The following BTF3L4 variants were observed in gnomAD, a reference collection of about 807,000 sequenced individuals.
BTF3L4 encodes transcription factor BTF3 homolog 4.
BTF3L4 carries 6 observed loss-of-function variants against 16.8 expected under a neutral mutation model. The observed-to-expected ratio is 0.36, with a 90% CI of 0.20 to 0.71. BTF3L4 has a LOEUF of 0.71. Among genes scored for constraint, BTF3L4 ranks in the 30% least tolerant of loss-of-function variants. BTF3L4 has a pLI of 0.58. For synonymous variants in BTF3L4, 39 were observed against 59.8 expected, an observed-to-expected ratio of 0.65 and a Z score of 1.60; for missense variants, 92 against 186.9, an observed-to-expected ratio of 0.49 and a Z score of 2.96.
intron 3 of BTF3L4, among the ~76,000 whole-genome samples, chr1:52,071,662 G>A (rs1025529620): frequency 6.6e-6 from 1 of 152,168 alleles, no homozygotes; most frequent in African/African-American, 2.4e-5. Flanking sequence ...TTTGTAATTG[G>A]ACACATAAGT....
At chr1:52,067,571 C>A (rs1359761710) in intron 3 of BTF3L4, among the ~76,000 whole-genome samples, 1 of 152,032 alleles carries the variant, frequency 6.6e-6, no homozygotes, top group Admixed American at 6.6e-5. Context: ...ATTTTAGAGA[C>A]CGTTCTCTTA....
intron 3 of BTF3L4, 93 bp downstream of exon 3, chr1:52,065,031 C>A (rs1686609700): frequency 4.9e-6 from 3 of 614,826 alleles, no homozygotes; most frequent in Non-Finnish European, 8.1e-6. Flanking sequence ...TTAGAAAAAT[C>A]TTTGATATTG....
At chr1:52,065,618 CTTT>C (rs1438134821) in intron 3 of BTF3L4, among the ~76,000 whole-genome samples, 1 of 152,110 alleles carries the variant, frequency 6.6e-6, no homozygotes, top group East Asian at 1.9e-4. Flanking sequence ...TAGAGGTAGA[CTTT>C]TTTACCCTAA....
intron 3 of BTF3L4, among the ~76,000 whole-genome samples, chr1:52,079,640 A>G (rs957175507): frequency 6.6e-6 from 1 of 152,124 alleles, no homozygotes. Context: ...GGTGTAAAAT[A>G]TAACAACATT....
chr1:52,080,919 A>C (rs142748424), intron 3 of BTF3L4, among the ~76,000 whole-genome samples: 8,848 of 147,680 alleles, frequency 0.06, 290 homozygotes, highest in African/African-American at 0.084. Context: ...AGCTCACTGC[A>C]ACCTCTGACT....
At chr1:52,061,630 C>G (rs141683905) in intron 2 of BTF3L4, among the ~76,000 whole-genome samples, 1 of 138,132 alleles carries the variant, frequency 7.2e-6, no homozygotes, top group Admixed American at 8.2e-5. Flanking sequence ...TATGGTACAG[C>G]TATTCTTTTT....
intron 1 of BTF3L4, among the ~76,000 whole-genome samples, chr1:52,059,079 C>G (rs759238995): frequency 2.0e-5 from 3 of 151,762 alleles, no homozygotes; most frequent in Non-Finnish European, 2.9e-5. Context: ...TCTCTGCCCC[C>G]CCCCAACATT....
At chr1:52,085,561 C>G (rs1215899201) in intron 4 of BTF3L4, among the ~76,000 whole-genome samples, 2 of 151,978 alleles carry the variant, frequency 1.3e-5, no homozygotes, top group Non-Finnish European at 2.9e-5. Context: ...TAAATTTTAT[C>G]TTTGTAGGCC....
intron 2 of BTF3L4, chr1:52,060,361 G>A: frequency 1.4e-6 from 1 of 737,748 alleles, no homozygotes; most frequent in South Asian, 1.8e-5. Context: ...TTGACTGGAT[G>A]TTACCTACTT....
chr1:52,066,674 T>C (rs984628165), intron 3 of BTF3L4, among the ~76,000 whole-genome samples: 2 of 149,526 alleles, frequency 1.3e-5, no homozygotes, highest in Non-Finnish European at 3.0e-5. Flanking sequence ...AAACCCCGTC[T>C]CTACTAAAAA....
intron 3 of BTF3L4, among the ~76,000 whole-genome samples, chr1:52,075,639 G>GAA (rs1686913285): frequency 6.9e-6 from 1 of 145,632 alleles, no homozygotes. Context: ...TTATATATTT[G>GAA]TATATAATAA....
At chr1:52,064,432 A>AT (rs1295655096) in intron 2 of BTF3L4, among the ~76,000 whole-genome samples, 8 of 152,222 alleles carry the variant, frequency 5.3e-5, no homozygotes, top group African/African-American at 1.7e-4. Flanking sequence ...AAATTTCAGA[A>AT]TATCTTTAGA....
chr1:52,072,019 GGTTTTTTTTT>G (rs1201315559), intron 3 of BTF3L4, among the ~76,000 whole-genome samples: 1 of 32,790 alleles, frequency 3.0e-5, no homozygotes, highest in Non-Finnish European at 2.1e-4. Context: ...TTTTAGCCAG[GGTTTTTTTTT>G]GTTTTTTTTT....
intron 3 of BTF3L4, among the ~76,000 whole-genome samples, chr1:52,068,692 C>CA (rs34786199): frequency 1.3e-5 from 2 of 151,306 alleles, no homozygotes; most frequent in East Asian, 1.9e-4. Flanking sequence ...CCTCCCCCAC[C>CA]AAAAAAAAGG....
At chr1:52,059,075 C>CA (rs1686445898) in intron 1 of BTF3L4, among the ~76,000 whole-genome samples, 1 of 138,422 alleles carries the variant, frequency 7.2e-6, no homozygotes, top group South Asian at 2.4e-4. Context: ...CTCCTCTCTG[C>CA]CCCCCCCCAA....
rs756870636 is a variant in BTF3L4 at position 52,064,849 on chromosome 1, G to T, written c.79G>T (p.Val27Leu). 1 of 1,611,776 alleles carries T rather than the reference G, an allele frequency of 6.2e-7. No individual in the cohort carries two copies. Among genetic ancestry groups the T allele is most frequent in the Non-Finnish European group, 8.5e-7 (1 of 1,179,358 alleles). The change falls in exon 3 of 6, where the codon GTG (valine) becomes TTG (leucine). Residue 27 changes from valine (V) to leucine (L), a missense_variant. Coordinates refer to ENST00000313334, the MANE Select transcript of BTF3L4 (RefSeq NM_152265.5). Reference protein sequence around the residue: ...GKGTARRKKKVVHRTATADDK... With the variant: ...GKGTARRKKKLVHRTATADDK... Reference sequence around the variant, plus strand: ...GGGTACAGCTCGCAGAAAGAAGAAGGTGGTACATAGAACAGCCACAGCTGA... The same window carrying T: ...GGGTACAGCTCGCAGAAAGAAGAAGTTGGTACATAGAACAGCCACAGCTGA...
At chr1:52,075,601 AATT>A (rs1276949029) in intron 3 of BTF3L4, among the ~76,000 whole-genome samples, 1 of 147,472 alleles carries the variant, frequency 6.8e-6, no homozygotes, top group Non-Finnish European at 1.5e-5. Context: ...AAATTATAGT[AATT>A]ATATATTATA....
At position 52,088,329 on chromosome 1, in the gene BTF3L4, T is replaced by C. The variant is rs1643990420; in HGVS notation, c.*1571T>C. 6.6e-6 allele frequency: 1 copy of C among 152,594 alleles called. No individual in the cohort carries two copies. Among genetic ancestry groups the C allele is most frequent in the Admixed American group, 6.5e-5 (1 of 15,270 alleles). The allele number at this position is 152,594 out of a possible 1,614,324, so 9.5% of individuals were successfully genotyped here. A position where few individuals can be genotyped will look rare whatever the true frequency, so the allele number is the denominator to read the frequency against. On this transcript the variant is annotated 3_prime_UTR_variant, in exon 6 of 6. Transcript: ENST00000313334. ...CAATTTATTTTATAAATTCGTTCAT[T>C]TTTCCTGTTATGTTTTATATAATAT...
chr1:52,073,496 A>ATG (rs2124431703), intron 3 of BTF3L4, among the ~76,000 whole-genome samples: 2 of 69,570 alleles, frequency 2.9e-5, no homozygotes, highest in East Asian at 1.1e-3. Flanking sequence ...TGCTACATAC[A>ATG]CACACACACA....
Sources: gnomAD v4.1 joint callset for allele counts (sites outside exome capture counted in the v4.1 genomes callset) on GRCh38, gnomAD v4.1.1 for gene constraint, MANE v1.5 for transcripts, NCBI Gene and HGNC (gene_info 2026-07-23, HGNC 2026-07-21) for gene names.